Variants in STK32B observed in about 807,000 individuals in gnomAD.
The protein encoded by STK32B is serine/threonine kinase 32B, also known as serine/threonine-protein kinase 32B.
Under a neutral mutation model 52.6 loss-of-function variants are expected in STK32B, and 43 were observed. The ratio of observed to expected loss-of-function variants is 0.82; its 90% CI spans 0.64 to 1.05. STK32B has a LOEUF of 1.05. Among genes scored for constraint, STK32B ranks in the 50% least tolerant of loss-of-function variants. The probability of loss-of-function intolerance (pLI) is 0.00; values close to 1 mark genes in which losing one functional copy is unlikely to be tolerated. For synonymous variants in STK32B, 238 were observed against 204.3 expected (o/e 1.17, Z -1.41); for missense variants, 621 against 534.6 (o/e 1.16, Z -1.59).
intron 3 of STK32B, among the ~76,000 whole-genome samples, chr4:5,250,192 A>T (rs1331783789): frequency 2.6e-5 from 4 of 151,946 alleles, no homozygotes; most frequent in African/African-American, 9.7e-5. Flanking sequence ...TGTCTTTGCT[A>T]TTGTGAATAG....
intron 3 of STK32B, among the ~76,000 whole-genome samples, chr4:5,245,730 T>G (rs2108823859): frequency 6.6e-6 from 1 of 152,342 alleles, no homozygotes; most frequent in South Asian, 2.1e-4. Context: ...CTTTCCATGT[T>G]TAGTGCTTCC....
intron 5 of STK32B, among the ~76,000 whole-genome samples, chr4:5,407,180 C>A (rs551886239): frequency 6.6e-6 from 1 of 152,210 alleles, no homozygotes; most frequent in African/African-American, 2.4e-5. Flanking sequence ...GGGCCTCCAA[C>A]CTCTTTGCCA....
chr4:5,332,509 ATTATAC>A (rs1370326321), intron 4 of STK32B, among the ~76,000 whole-genome samples: 5 of 152,072 alleles, frequency 3.3e-5, no homozygotes, highest in Non-Finnish European at 5.9e-5. Context: ...TTTTATTATT[ATTATAC>A]TTTAAGTTTT....
At chr4:5,377,207 C>T (rs536759461) in intron 4 of STK32B, among the ~76,000 whole-genome samples, 2 of 152,220 alleles carry the variant, frequency 1.3e-5, no homozygotes, top group South Asian at 4.1e-4. Context: ...ATACCCAACC[C>T]CAACGCTAAC....
At chr4:5,151,226 A>T (rs1717339856) in intron 2 of STK32B, among the ~76,000 whole-genome samples, 1 of 152,212 alleles carries the variant, frequency 6.6e-6, no homozygotes, top group African/African-American at 2.4e-5. Context: ...ACCTGCTTTA[A>T]GGGAATAAAG....
chr4:5,212,693 T>G lies in STK32B; in HGVS notation c.260+44243T>G, dbSNP rs567476149. ...ATCGTCCCTTAAAACATTATATAAT[T>G]GGAAGTTGCTGTGTTGGTGAGGGTA... On this transcript the variant is annotated intron_variant, in intron 3 of 11. Coordinates refer to ENST00000282908, the MANE Select transcript of STK32B (RefSeq NM_018401.3). 2.0e-5 allele frequency among the ~76,000 whole-genome samples: 3 copies of G among 152,296 alleles called. No individual in the cohort carries two copies. In the East Asian group the frequency reaches 5.8e-4, roughly 29 times the overall value.
chr4:5,327,841 A>G (rs1731979754), intron 3 of STK32B, among the ~76,000 whole-genome samples: 1 of 152,220 alleles, frequency 6.6e-6, no homozygotes, highest in South Asian at 2.1e-4. Context: ...CAGCTATGAA[A>G]GTCCTAAATG....
At chr4:5,478,790 AC>A (rs968745739) in intron 11 of STK32B, among the ~76,000 whole-genome samples, 1 of 152,180 alleles carries the variant, frequency 6.6e-6, no homozygotes, top group Admixed American at 6.5e-5. Flanking sequence ...AGCCTCAATC[AC>A]CGGGCTGCCT....
At chr4:5,176,528 C>G (rs151065628) in intron 3 of STK32B, among the ~76,000 whole-genome samples, 45 of 150,612 alleles carry the variant, frequency 3.0e-4, no homozygotes, top group African/African-American at 1.1e-3. Context: ...ATTGCAACCT[C>G]CACCTCCAAG....
chr4:5,479,703 G>T (rs2109194520), intron 11 of STK32B, among the ~76,000 whole-genome samples: 1 of 152,162 alleles, frequency 6.6e-6, no homozygotes, highest in South Asian at 2.1e-4. Flanking sequence ...ATTCTTGCAG[G>T]GTATGCACGA....
At chr4:5,064,039 A>G (rs1280153702) in intron 1 of STK32B, among the ~76,000 whole-genome samples, 1 of 152,024 alleles carries the variant, frequency 6.6e-6, no homozygotes, top group Admixed American at 6.6e-5. Flanking sequence ...TATATAGTCT[A>G]CATGACATTT....
At chr4:5,490,284 T>G (rs1165638757) in intron 11 of STK32B, among the ~76,000 whole-genome samples, 4 of 152,052 alleles carry the variant, frequency 2.6e-5, no homozygotes, top group South Asian at 2.1e-4. Flanking sequence ...TTTTTGTATT[T>G]TTAGTAGAGA....
intron 4 of STK32B, among the ~76,000 whole-genome samples, chr4:5,355,258 C>T (rs1322580637): frequency 6.6e-6 from 1 of 152,036 alleles, no homozygotes; most frequent in African/African-American, 2.4e-5. Context: ...GTGAAAATGC[C>T]CACTGCTATT....
At chr4:5,407,471 T>A (rs1163843313) in intron 5 of STK32B, among the ~76,000 whole-genome samples, 1 of 152,172 alleles carries the variant, frequency 6.6e-6, no homozygotes, top group East Asian at 1.9e-4. Flanking sequence ...TATATTAGTT[T>A]GTTGTCACAC....
At chr4:5,054,892 C>G (rs1228513004) in intron 1 of STK32B, among the ~76,000 whole-genome samples, 1 of 152,148 alleles carries the variant, frequency 6.6e-6, no homozygotes, top group Non-Finnish European at 1.5e-5. Context: ...TGCAAGTGGT[C>G]ATAGCTGTTC....
At chr4:5,144,854 G>A (rs972562085) in intron 2 of STK32B, among the ~76,000 whole-genome samples, 2 of 151,878 alleles carry the variant, frequency 1.3e-5, no homozygotes, top group African/African-American at 4.8e-5. Context: ...GGACCAATTT[G>A]CTCTGGGCCC....
rs1260499276 is a variant in STK32B, at chr4:5,386,365, G to A, written c.435-11842G>A. The stretch of plus-strand genomic sequence containing the variant: ...AGTCCAGAGCCCATGCATAGTGCAG[G>A]GTGGAAATGGTGGGCCAGAGGGAGG... On this transcript the variant is annotated intron_variant, in intron 4 of 11. Coordinates refer to ENST00000282908, the MANE Select transcript of STK32B (RefSeq NM_018401.3). The surrounding 1 kb of genome is among the most constrained non-coding windows in gnomAD (Gnocchi z 4.5). Among the ~76,000 whole-genome samples, 1 of 152,136 alleles carries A rather than the reference G, an allele frequency of 6.6e-6. No individual in the cohort carries two copies. The highest frequency in any genetic ancestry group is 6.5e-5 in the Admixed American group (1 of 15,286).
intron 3 of STK32B, among the ~76,000 whole-genome samples, chr4:5,207,252 C>G (rs1560226234): frequency 6.6e-6 from 1 of 152,204 alleles, no homozygotes; most frequent in Admixed American, 6.5e-5. Flanking sequence ...CTACCCAAAT[C>G]TCATCTTGAA....
chr4:5,119,654 T>C (rs1423177815), intron 1 of STK32B, among the ~76,000 whole-genome samples: 4 of 152,160 alleles, frequency 2.6e-5, no homozygotes, highest in Non-Finnish European at 4.4e-5. Context: ...GTGCAAAACG[T>C]TTTGCTTTTT....
Sources: allele counts gnomAD v4.1 joint callset (sites outside exome capture counted in the v4.1 genomes callset), GRCh38; gene constraint gnomAD v4.1.1; non-coding constraint Gnocchi (gnomAD v3.1); transcripts MANE v1.5; gene names NCBI Gene and HGNC (gene_info 2026-07-23, HGNC 2026-07-21).